ANKFN1: variants seen among roughly 807,000 people sequenced by gnomAD.
The protein encoded by ANKFN1 is ankyrin repeat and fibronectin type III domain containing 1, also known as ankyrin repeat and fibronectin type-III domain-containing protein 1.
ANKFN1 carries 74 observed loss-of-function variants against 108.7 expected under a neutral mutation model. The observed-to-expected ratio is 0.68, with a 90% CI of 0.56 to 0.83. The LOEUF is 0.83. ANKFN1 is among the 40% of genes least tolerant of loss of function. The pLI is 0.00. For synonymous variants in ANKFN1, 547 were observed against 516.2 expected (o/e 1.06, Z -0.81); for missense variants, 1,505 against 1,382.3 (o/e 1.09, Z -1.41).
At chr17:56,338,117 C>A (rs1332750228) in intron 4 of ANKFN1, among the ~76,000 whole-genome samples, 1 of 152,150 alleles carries the variant, frequency 6.6e-6, no homozygotes, top group Admixed American at 6.5e-5. Context: ...GAACACTATG[C>A]AGCCATAAAA....
At chr17:56,480,610 C>A in intron 16 of ANKFN1, 58 bp from the exon 17 acceptor site, 1 of 1,569,474 alleles carries the variant, frequency 6.4e-7, no homozygotes, top group Non-Finnish European at 8.7e-7. Context: ...TAAGAAAGTT[C>A]TGAGCTGTGT....
chr17:56,395,390 A>G (rs1001985002), intron 8 of ANKFN1, among the ~76,000 whole-genome samples: 8 of 152,172 alleles, frequency 5.3e-5, no homozygotes, highest in Non-Finnish European at 7.4e-5. Flanking sequence ...GGCTGTACCC[A>G]ACTAGCAGCC....
At chr17:56,160,097 T>A (rs754948511) in intron 1 of ANKFN1, among the ~76,000 whole-genome samples, 1 of 152,206 alleles carries the variant, frequency 6.6e-6, no homozygotes, top group Non-Finnish European at 1.5e-5. Context: ...AAAGGGAGAT[T>A]AATACATGTG....
chr17:56,494,395 G>A (rs773117010), intron 19 of ANKFN1, among the ~76,000 whole-genome samples: 7 of 152,022 alleles, frequency 4.6e-5, no homozygotes, highest in South Asian at 4.2e-4. Flanking sequence ...AGGAGAATAC[G>A]AAAGACTGGC....
In ANKFN1 at chr17:56,057,794, A is replaced by C. The variant is rs559144943; in HGVS notation, c.288+11469A>C. 4.6e-5 allele frequency among the ~76,000 whole-genome samples: 7 copies of C among 152,262 alleles called. No homozygotes were observed. The East Asian group carries it at 1.4e-3, about 29-fold the overall frequency. Reference sequence around the variant, plus strand: ...AGTGAAACTCTGTCTCAAAAAAAAAAAATGTGTTGAAATAACTGCTTGATC... The same window carrying C: ...AGTGAAACTCTGTCTCAAAAAAAAACAATGTGTTGAAATAACTGCTTGATC... On this transcript the variant is annotated intron_variant, in intron 4 of 12. Transcript: ENST00000635860.
At chr17:56,183,705 T>C (rs2332597) in intron 1 of ANKFN1, among the ~76,000 whole-genome samples, 114,791 of 152,080 alleles carry the variant, frequency 0.75, 44,562 homozygotes, top group East Asian at 0.94. Context: ...GAACTGTGAG[T>C]GAATTAAACC....
At chr17:56,457,155 T>A in intron 12 of ANKFN1, 102 bp from the exon 13 acceptor site, 6 of 1,244,950 alleles carry the variant, frequency 4.8e-6, no homozygotes, top group Non-Finnish European at 5.6e-6. Context: ...TTAGCAGGAA[T>A]ACGTTCCTAG....
chr17:56,159,989 G>A (rs1909494371), intron 1 of ANKFN1, among the ~76,000 whole-genome samples: 2 of 152,156 alleles, frequency 1.3e-5, no homozygotes, highest in South Asian at 2.1e-4. Context: ...GGGAGGGGTG[G>A]GCCATCTGGT....
intron 3 of ANKFN1, among the ~76,000 whole-genome samples, chr17:56,316,223 G>C (rs2045202722): frequency 6.6e-6 from 1 of 152,102 alleles, no homozygotes; most frequent in Non-Finnish European, 1.5e-5. Context: ...TTATTATTAT[G>C]CTTGAATGTG....
chr17:56,503,158 T>C (rs1035963339), intron 20 of ANKFN1, among the ~76,000 whole-genome samples: 1 of 151,784 alleles, frequency 6.6e-6, no homozygotes, highest in Non-Finnish European at 1.5e-5. Flanking sequence ...CCAATACTGC[T>C]GTTTCTCCTA....
At chr17:56,179,397 C>T (rs188107883) in intron 1 of ANKFN1, among the ~76,000 whole-genome samples, 1 of 152,290 alleles carries the variant, frequency 6.6e-6, no homozygotes. Flanking sequence ...CTGACCTGGC[C>T]TTGTTTGGTA....
chr17:56,394,989 C>T (rs1339569876), intron 8 of ANKFN1, among the ~76,000 whole-genome samples: 1 of 152,160 alleles, frequency 6.6e-6, no homozygotes, highest in Non-Finnish European at 1.5e-5. Flanking sequence ...TAATCACCCT[C>T]AAGTCTGGAA....
intron 4 of ANKFN1, among the ~76,000 whole-genome samples, chr17:56,330,246 C>CTGT (rs543542147): frequency 0.41 from 61,944 of 151,794 alleles, 15,219 homozygotes; most frequent in East Asian, 0.55. Flanking sequence ...ACAATCATGG[C>CTGT]AGAAGGCAAA....
chr17:56,306,914 A>T (rs959127217), intron 3 of ANKFN1, among the ~76,000 whole-genome samples: 9 of 152,230 alleles, frequency 5.9e-5, no homozygotes, highest in African/African-American at 2.2e-4. Flanking sequence ...AGGCCTCAGA[A>T]ATAATGCCGC....
At chr17:56,210,986 T>C (rs1033347264) in intron 1 of ANKFN1, among the ~76,000 whole-genome samples, 1 of 152,208 alleles carries the variant, frequency 6.6e-6, no homozygotes, top group South Asian at 2.1e-4. Context: ...ATATCACTTA[T>C]AGATTCTGGA....
chr17:56,164,113 T>C (rs2110213), intron 1 of ANKFN1, among the ~76,000 whole-genome samples: 101,310 of 151,974 alleles, frequency 0.67, 34,329 homozygotes, highest in East Asian at 0.94. Context: ...ATATCTCCAG[T>C]CTTGTATTTT....
At chr17:56,306,139 T>C (rs141652529) in intron 3 of ANKFN1, among the ~76,000 whole-genome samples, 99 of 152,364 alleles carry the variant, frequency 6.5e-4, no homozygotes, top group African/African-American at 2.4e-3. Flanking sequence ...GCTATTCTGG[T>C]TCGTTTGCCT....
Position 56,510,768 on chromosome 17 carries a change from C to G in ANKFN1, c.2940C>G (p.Pro980=), listed in dbSNP as rs1367531270. 6.5e-7 allele frequency: 1 copy of G among 1,536,164 alleles called. No individual in the cohort carries two copies. Among genetic ancestry groups the G allele is most frequent in the Admixed American group, 2.0e-5 (1 of 51,008 alleles). ...GCCTGACCCTCACGGGGTTCACACC[C>G]AAGAACCACGCCAAGACTGTGTCCG... The part of the protein sequence containing the change: ...LHSLTLTGFT[P]KNHAKTVSGG... The change falls in exon 21 of 21, where the codon CCC becomes CCG. Residue 980 remains proline, a synonymous_variant. Transcript: ENST00000682825.
rs150799792 is a variant in ANKFN1 at position 56,445,351 on chromosome 17, C to T, written c.1099+2418C>T. ...GTTTCCATAAGCTGCACGTTCCATT[C>T]AGACACTATCTGTCACAGCCCATTT... On this transcript the variant is annotated intron_variant, in intron 10 of 20. Transcript: ENST00000682825. Among the ~76,000 whole-genome samples, 3 of 152,334 alleles carry T rather than the reference C, an allele frequency of 2.0e-5. No homozygotes were observed. In the East Asian group the frequency reaches 5.8e-4, roughly 29 times the overall value.
Sources: allele counts gnomAD v4.1 joint callset (sites outside exome capture counted in the v4.1 genomes callset), GRCh38; gene constraint gnomAD v4.1.1; transcripts MANE v1.5; gene names NCBI Gene and HGNC (gene_info 2026-07-23, HGNC 2026-07-21).